Variants in ANKS1B observed in about 807,000 individuals in gnomAD.
ANKS1B encodes ankyrin repeat and sterile alpha motif domain-containing protein 1B.
ANKS1B carries 36 observed loss-of-function variants against 148.3 expected under a neutral mutation model. The observed-to-expected ratio is 0.24, with a 90% confidence interval of 0.19 to 0.32. The LOEUF (loss-of-function observed/expected upper bound fraction) is 0.32, where lower values mean the gene tolerates loss of function less well. Among genes scored for constraint, ANKS1B ranks in the 10% least tolerant of loss-of-function variants. The probability of loss-of-function intolerance (pLI) is 1.00; values close to 1 mark genes in which losing one functional copy is unlikely to be tolerated. For synonymous variants in ANKS1B, 542 were observed against 560.8 expected (o/e 0.97, Z 0.47); for missense variants, 1,157 against 1,542.6 (o/e 0.75, Z 4.19).
chr12:99,173,861 A>G (rs1374680799), intron 14 of ANKS1B, among the ~76,000 whole-genome samples: 2 of 151,822 alleles, frequency 1.3e-5, no homozygotes, highest in African/African-American at 4.8e-5. Context: ...TTTCTTGCCT[A>G]TCATCTACTG....
intron 17 of ANKS1B, among the ~76,000 whole-genome samples, chr12:98,966,843 A>G (rs1006072124): frequency 7.0e-6 from 1 of 142,364 alleles, no homozygotes; most frequent in African/African-American, 2.6e-5. Context: ...GAACAATGAA[A>G]ACACTTGGAC....
chr12:99,867,175 G>A (rs773496805), intron 1 of ANKS1B, among the ~76,000 whole-genome samples: 1 of 152,098 alleles, frequency 6.6e-6, no homozygotes, highest in African/African-American at 2.4e-5. Context: ...TATGAGTCAA[G>A]ATTTTGTTAA....
chr12:99,192,201 C>T (rs2080831262), intron 14 of ANKS1B, among the ~76,000 whole-genome samples: 1 of 147,838 alleles, frequency 6.8e-6, no homozygotes, highest in Non-Finnish European at 1.5e-5. Flanking sequence ...TGAGCTGGTA[C>T]TCTTATTCTG....
chr12:99,538,933 G>C (rs1460565799), intron 9 of ANKS1B, among the ~76,000 whole-genome samples: 1 of 152,022 alleles, frequency 6.6e-6, no homozygotes, highest in South Asian at 2.1e-4. Context: ...AGTTTTTGAG[G>C]GTATTTTATC....
At chr12:99,635,770 A>AT (rs961980725) in intron 9 of ANKS1B, among the ~76,000 whole-genome samples, 4 of 152,002 alleles carry the variant, frequency 2.6e-5, no homozygotes, top group African/African-American at 4.8e-5. Context: ...TATCTTCACA[A>AT]TTTTTTTTAA....
intron 17 of ANKS1B, among the ~76,000 whole-genome samples, chr12:98,948,061 A>T (rs949516397): frequency 6.8e-6 from 1 of 147,906 alleles, no homozygotes; most frequent in African/African-American, 2.5e-5. Context: ...TGCAATTATT[A>T]AAAAAAAAAC....
At chr12:99,857,667 T>C (rs558170223) in intron 1 of ANKS1B, among the ~76,000 whole-genome samples, 4 of 152,158 alleles carry the variant, frequency 2.6e-5, no homozygotes, top group African/African-American at 7.2e-5. Context: ...CAAAACAACA[T>C]AGTACTGGTA....
At chr12:99,682,776 T>C (rs542863024) in intron 8 of ANKS1B, among the ~76,000 whole-genome samples, 2 of 152,148 alleles carry the variant, frequency 1.3e-5, no homozygotes, top group South Asian at 2.1e-4. Context: ...CTAATTGATA[T>C]TGAAACAACA....
chr12:99,717,344 C>T (rs1477300084), intron 8 of ANKS1B, among the ~76,000 whole-genome samples: 4 of 152,222 alleles, frequency 2.6e-5, no homozygotes, highest in Non-Finnish European at 5.9e-5. Flanking sequence ...AGTTACAATT[C>T]CTTGCCTCCA....
At chr12:99,094,760 G>A (rs780255553) in intron 15 of ANKS1B, among the ~76,000 whole-genome samples, 21 of 152,170 alleles carry the variant, frequency 1.4e-4, no homozygotes, top group Non-Finnish European at 2.1e-4. Context: ...GGAAAGAAAC[G>A]CAGGAAATAA....
chr12:98,902,604 C>T (rs1291802668), intron 17 of ANKS1B, among the ~76,000 whole-genome samples: 1 of 152,162 alleles, frequency 6.6e-6, no homozygotes, highest in East Asian at 1.9e-4. Flanking sequence ...TGGACTCCGA[C>T]CGTGGTTCAA....
At chr12:99,147,532 C>G (rs2073552841) in intron 15 of ANKS1B, among the ~76,000 whole-genome samples, 1 of 152,120 alleles carries the variant, frequency 6.6e-6, no homozygotes, top group African/African-American at 2.4e-5. Flanking sequence ...CAGAGTAGTG[C>G]TAAAGCAAAT....
chr12:98,974,933 CCTT>C (rs1474176509), intron 17 of ANKS1B, among the ~76,000 whole-genome samples: 2 of 145,712 alleles, frequency 1.4e-5, no homozygotes, highest in East Asian at 2.1e-4. Flanking sequence ...TCCCTTTCCT[CCTT>C]CTTTCCTTCC....
chr12:99,065,638 C>CCATCCCATCCAT (rs1379959845), intron 16 of ANKS1B, among the ~76,000 whole-genome samples: 71 of 41,934 alleles, frequency 1.7e-3, no homozygotes, highest in African/African-American at 2.1e-3. Context: ...ATCCATCCAT[C>CCATCCCATCCAT]CCATCCATCC....
At chr12:99,469,536 T>A (rs78981121) in intron 10 of ANKS1B, among the ~76,000 whole-genome samples, 2 of 152,112 alleles carry the variant, frequency 1.3e-5, no homozygotes, top group South Asian at 2.1e-4. Flanking sequence ...TGTCTTTATA[T>A]CACCATTACA....
At chr12:99,349,286 C>CA (rs1356656299) in intron 12 of ANKS1B, among the ~76,000 whole-genome samples, 4 of 151,652 alleles carry the variant, frequency 2.6e-5, no homozygotes, top group African/African-American at 9.7e-5. Flanking sequence ...AATTAAGGAA[C>CA]AAAAAGGTTA....
intron 9 of ANKS1B, among the ~76,000 whole-genome samples, chr12:99,553,073 T>C (rs2097238545): frequency 6.6e-6 from 1 of 152,186 alleles, no homozygotes; most frequent in Admixed American, 6.5e-5. Context: ...TCATTTAAAG[T>C]TATAAAAATT....
chr12:99,663,898 T>G (rs2098491279), intron 8 of ANKS1B, among the ~76,000 whole-genome samples: 1 of 152,180 alleles, frequency 6.6e-6, no homozygotes, highest in Admixed American at 6.5e-5. Context: ...TGTTTACATA[T>G]TTGACATCCT....
Position 99,760,710 on chromosome 12 carries a change from T to C in ANKS1B, c.1128+12212A>G, listed in dbSNP as rs182409012. 1.2e-3 allele frequency among the ~76,000 whole-genome samples: 184 copies of C among 151,068 alleles called. 1 individual carries two copies. The highest frequency in any genetic ancestry group is 4.4e-3 in the African/African-American group (183 of 41,308). On this transcript the variant is annotated intron_variant, in intron 8 of 26. Transcript: ENST00000683438. Reference sequence around the variant, plus strand: ...AAAATAAAATCAGTGCAGAAGTGAATGAAATTAAGACCCAAAAATTCATAC... The same window carrying C: ...AAAATAAAATCAGTGCAGAAGTGAACGAAATTAAGACCCAAAAATTCATAC...
Sources: gnomAD v4.1 joint callset for allele counts (sites outside exome capture counted in the v4.1 genomes callset) on GRCh38, gnomAD v4.1.1 for gene constraint, MANE v1.5 for transcripts, NCBI Gene and HGNC (gene_info 2026-07-23, HGNC 2026-07-21) for gene names.